The following MCTP1 variants were observed in gnomAD, a reference collection of about 807,000 sequenced individuals.
MCTP1 encodes multiple C2 and transmembrane domain-containing protein 1.
Under a neutral mutation model 120.6 loss-of-function variants are expected in MCTP1, and 69 were observed. That is an observed-to-expected ratio of 0.57 (90% CI 0.47 to 0.70). The LOEUF (loss-of-function observed/expected upper bound fraction) is 0.70. Among genes scored for constraint, MCTP1 ranks in the 30% least tolerant of loss-of-function variants. MCTP1 has a pLI of 0.00. For synonymous variants in MCTP1, 529 were observed against 493.1 expected (o/e 1.07, Z -0.96); for missense variants, 1,203 against 1,248.8 (o/e 0.96, Z 0.55).
At chr5:94,743,005 G>A (rs111998183) in intron 19 of MCTP1, among the ~76,000 whole-genome samples, 1 of 152,112 alleles carries the variant, frequency 6.6e-6, no homozygotes, top group African/African-American at 2.4e-5. Context: ...CATAAGAAAG[G>A]TGGGGAGATG....
chr5:95,151,840 G>T (rs1760922345), intron 1 of MCTP1, among the ~76,000 whole-genome samples: 1 of 152,036 alleles, frequency 6.6e-6, no homozygotes, highest in South Asian at 2.1e-4. Flanking sequence ...GCTGCCTCTG[G>T]TTAAAGAAGC....
At chr5:94,897,546 G>A (rs1452260168) in intron 10 of MCTP1, among the ~76,000 whole-genome samples, 8 of 152,034 alleles carry the variant, frequency 5.3e-5, no homozygotes, top group Admixed American at 5.2e-4. Context: ...CATATTTTTA[G>A]TAGAGATAGG....
At chr5:95,056,536 G>T (rs1402368338) in intron 1 of MCTP1, among the ~76,000 whole-genome samples, 1 of 152,096 alleles carries the variant, frequency 6.6e-6, no homozygotes, top group African/African-American at 2.4e-5. Context: ...AATTATCAAG[G>T]ATTAATTCAT....
At chr5:94,983,720 T>C (rs1829947104) in intron 2 of MCTP1, among the ~76,000 whole-genome samples, 1 of 152,002 alleles carries the variant, frequency 6.6e-6, no homozygotes, top group Non-Finnish European at 1.5e-5. Context: ...AGAAAGTAAT[T>C]CATTTCTTTT....
chr5:95,185,180 T>C (rs888870659), intron 1 of MCTP1, among the ~76,000 whole-genome samples: 6 of 152,200 alleles, frequency 3.9e-5, no homozygotes, highest in Non-Finnish European at 8.8e-5. Context: ...AGGGAATGTT[T>C]CTCAACTTAC....
chr5:95,271,629 T>C (rs1354847374), intron 1 of MCTP1, among the ~76,000 whole-genome samples: 1 of 152,174 alleles, frequency 6.6e-6, no homozygotes, highest in Non-Finnish European at 1.5e-5. Context: ...AAGGGACTAA[T>C]TCAATGAGTG....
At chr5:94,930,368 G>A (rs1335502097) in intron 6 of MCTP1, among the ~76,000 whole-genome samples, 1 of 148,620 alleles carries the variant, frequency 6.7e-6, no homozygotes, top group Non-Finnish European at 1.5e-5. Context: ...CTGCCTCCAG[G>A]GTTTAAGCGA....
At chr5:95,077,783 T>C (rs1753954881) in intron 1 of MCTP1, among the ~76,000 whole-genome samples, 1 of 152,156 alleles carries the variant, frequency 6.6e-6, no homozygotes, top group South Asian at 2.1e-4. Flanking sequence ...GTTCGTTATA[T>C]ATAATTTTAA....
chr5:95,049,630 A>G (rs772821063), intron 1 of MCTP1, among the ~76,000 whole-genome samples: 2 of 152,222 alleles, frequency 1.3e-5, no homozygotes, highest in Admixed American at 6.5e-5. Context: ...CCTGGTAAAA[A>G]GAAATTATTC....
chr5:95,250,981 G>A (rs574615497), intron 1 of MCTP1, among the ~76,000 whole-genome samples: 4 of 152,146 alleles, frequency 2.6e-5, no homozygotes, highest in Non-Finnish European at 4.4e-5. Flanking sequence ...TTATTGAGAT[G>A]TTATTATGCT....
chr5:95,100,761 T>C lies in MCTP1; in HGVS notation c.721-83277A>G, dbSNP rs567979596. 5.9e-5 allele frequency among the ~76,000 whole-genome samples: 9 copies of C among 152,214 alleles called. No individual in the cohort carries two copies. The South Asian group carries it at 1.9e-3, about 32-fold the overall frequency. ...ATTGCTACATATCCCAGCGATGATATCATCAAATCAATTCAAAATATCAAA... is the reference window on the plus strand; with the variant it reads ...ATTGCTACATATCCCAGCGATGATACCATCAAATCAATTCAAAATATCAAA... On this transcript the variant is annotated intron_variant, in intron 1 of 22. Transcript: ENST00000515393.
chr5:94,834,812 C>CTT (rs141103769), intron 17 of MCTP1, among the ~76,000 whole-genome samples: 79 of 88,622 alleles, frequency 8.9e-4, no homozygotes, highest in African/African-American at 1.6e-3. Context: ...AACATTCTCT[C>CTT]TTTTTTTTTT....
intron 17 of MCTP1, among the ~76,000 whole-genome samples, chr5:94,808,148 T>C (rs894222236): frequency 1.3e-5 from 2 of 152,258 alleles, no homozygotes; most frequent in African/African-American, 4.8e-5. Context: ...CAGAACCTAG[T>C]CTTCTGGGAA....
At chr5:95,237,476 G>A (rs1038836029) in intron 1 of MCTP1, among the ~76,000 whole-genome samples, 2 of 152,168 alleles carry the variant, frequency 1.3e-5, no homozygotes, top group African/African-American at 4.8e-5. Flanking sequence ...AGTTCCTCTA[G>A]GCACGACTGA....
chr5:94,845,348 CT>C (rs988013321), intron 17 of MCTP1, among the ~76,000 whole-genome samples: 2 of 152,126 alleles, frequency 1.3e-5, no homozygotes, highest in African/African-American at 4.8e-5. Flanking sequence ...ACCATCAGAT[CT>C]TGTGACACTT....
rs139573167 is a variant in MCTP1 at position 95,145,429 on chromosome 5, T to G, written c.721-127945A>C. On this transcript the variant is annotated intron_variant, in intron 1 of 22. Coordinates refer to ENST00000515393, the MANE Select transcript of MCTP1 (RefSeq NM_024717.7). ...GCACTGGCCAGGACTTCCAATACTA[T>G]GTTGAATAGGAGTGGTGAAAGTGGG... Among the ~76,000 whole-genome samples, 1,220 of 152,288 alleles carry G rather than the reference T, an allele frequency of 8.0e-3. 15 individuals carry two copies. The highest frequency in any genetic ancestry group is 0.028 in the African/African-American group (1,155 of 41,554).
At chr5:94,769,102 T>A (rs80293184) in intron 19 of MCTP1, among the ~76,000 whole-genome samples, 1 of 152,014 alleles carries the variant, frequency 6.6e-6, no homozygotes, top group African/African-American at 2.4e-5. Flanking sequence ...TGGGTGGGAC[T>A]TGAGGTCCTT....
intron 19 of MCTP1, among the ~76,000 whole-genome samples, chr5:94,730,749 A>AT (rs1177533577): frequency 6.6e-6 from 1 of 152,154 alleles, no homozygotes; most frequent in African/African-American, 2.4e-5. Flanking sequence ...CCCTTTACTC[A>AT]TTCTTTGAGG....
chr5:95,085,755 C>G (rs565656553), intron 1 of MCTP1, among the ~76,000 whole-genome samples: 1 of 152,184 alleles, frequency 6.6e-6, no homozygotes, highest in South Asian at 2.1e-4. Context: ...TAAACGATCT[C>G]CAGAGATCCA....
Sources: gnomAD v4.1 joint callset for allele counts (sites outside exome capture counted in the v4.1 genomes callset) on GRCh38, gnomAD v4.1.1 for gene constraint, MANE v1.5 for transcripts, NCBI Gene and HGNC (gene_info 2026-07-23, HGNC 2026-07-21) for gene names.